BABAM2: variants seen among roughly 807,000 people sequenced by gnomAD.
The protein encoded by BABAM2 is BRISC and BRCA1 A complex member 2.
In BABAM2, 31 loss-of-function variants were observed where a neutral mutation model predicts 54.7. The observed-to-expected ratio is 0.57, with a 90% CI of 0.43 to 0.77. The LOEUF (loss-of-function observed/expected upper bound fraction) is 0.77, where lower values mean the gene tolerates loss of function less well. Ranked by LOEUF, BABAM2 falls within the 30% of genes least tolerant of loss-of-function variation. The pLI, the probability that BABAM2 is intolerant of heterozygous loss-of-function variation, is 0.00. For missense variants in BABAM2, 364 were observed against 455.8 expected (o/e 0.80, Z 1.83); for synonymous variants, 167 against 162.9 (o/e 1.03, Z -0.19).
intron 7 of BABAM2, among the ~76,000 whole-genome samples, chr2:28,199,954 A>C (rs1251863919): frequency 6.6e-6 from 1 of 152,212 alleles, no homozygotes; most frequent in East Asian, 1.9e-4. Flanking sequence ...GGAAACCCCT[A>C]TTCATTTTGA....
At chr2:27,964,739 G>C (rs1208388278) in intron 3 of BABAM2, among the ~76,000 whole-genome samples, 1 of 152,150 alleles carries the variant, frequency 6.6e-6, no homozygotes, top group African/African-American at 2.4e-5. Flanking sequence ...GCTTAGATAG[G>C]TTTTAGGTTT....
At chr2:28,008,246 T>C (rs1310778224) in intron 4 of BABAM2, among the ~76,000 whole-genome samples, 1 of 152,168 alleles carries the variant, frequency 6.6e-6, no homozygotes, top group Non-Finnish European at 1.5e-5. Flanking sequence ...CTGAGAAACT[T>C]CAGCTATTCT....
intron 4 of BABAM2, among the ~76,000 whole-genome samples, chr2:27,997,880 C>T (rs1411392409): frequency 6.6e-6 from 1 of 152,130 alleles, no homozygotes; most frequent in East Asian, 1.9e-4. Context: ...CAGGGCCAGG[C>T]ATGGTGGCTC....
At chr2:28,276,007 C>CAAAAA (rs534951884) in intron 10 of BABAM2, among the ~76,000 whole-genome samples, 1 of 110,970 alleles carries the variant, frequency 9.0e-6, no homozygotes, top group African/African-American at 3.5e-5. Context: ...ATTTTTATCT[C>CAAAAA]AAAAAAAAAA....
At chr2:28,000,223 G>A (rs1673484031) in intron 4 of BABAM2, among the ~76,000 whole-genome samples, 1 of 151,908 alleles carries the variant, frequency 6.6e-6, no homozygotes, top group South Asian at 2.1e-4. Flanking sequence ...ATACCATCTA[G>A]GATTCCACAT....
chr2:28,306,689 T>A (rs567813599), intron 11 of BABAM2, among the ~76,000 whole-genome samples: 44 of 151,984 alleles, frequency 2.9e-4, no homozygotes, highest in Non-Finnish European at 4.9e-4. Context: ...ATTTCTTTTT[T>A]ATTTTTTTAT....
chr2:28,083,067 T>C (rs1461937921), intron 6 of BABAM2, among the ~76,000 whole-genome samples: 1 of 152,212 alleles, frequency 6.6e-6, no homozygotes, highest in East Asian at 1.9e-4. Flanking sequence ...TTCATCCTTC[T>C]TCAGCCTGTT....
At chr2:28,242,133 T>G (rs1289081498) in intron 9 of BABAM2, among the ~76,000 whole-genome samples, 1 of 152,118 alleles carries the variant, frequency 6.6e-6, no homozygotes, top group Non-Finnish European at 1.5e-5. Flanking sequence ...GTCGCGCCCC[T>G]AGAAGAAGTG....
chr2:27,976,316 T>C (rs1350520265), intron 3 of BABAM2, among the ~76,000 whole-genome samples: 1 of 152,086 alleles, frequency 6.6e-6, no homozygotes, highest in Admixed American at 6.6e-5. Flanking sequence ...TGTCTTTCAT[T>C]GGGTAGATGG....
chr2:27,987,673 G>C (rs925992495), intron 3 of BABAM2, among the ~76,000 whole-genome samples: 22 of 151,900 alleles, frequency 1.4e-4, no homozygotes, highest in African/African-American at 5.1e-4. Context: ...AAATTATCTG[G>C]GCATGGTGAC....
chr2:28,113,881 T>C (rs1263087405), intron 6 of BABAM2, among the ~76,000 whole-genome samples: 1 of 152,190 alleles, frequency 6.6e-6, no homozygotes. Context: ...TAAGTTGTAT[T>C]CCTAGGTATT....
intron 4 of BABAM2, among the ~76,000 whole-genome samples, chr2:27,992,915 G>A (rs1352034252): frequency 1.3e-5 from 2 of 152,098 alleles, no homozygotes. Context: ...TGAATGGCTT[G>A]TTCTCTCCTT....
chr2:27,955,122 G>A, intron 3 of BABAM2, among the ~76,000 whole-genome samples: 1 of 152,252 alleles, frequency 6.6e-6, no homozygotes, highest in East Asian at 1.9e-4. Context: ...GGAAGATGAT[G>A]AAATTTGGCT....
chr2:28,047,317 C>A (rs942995149), intron 6 of BABAM2, among the ~76,000 whole-genome samples: 1 of 152,104 alleles, frequency 6.6e-6, no homozygotes, highest in Non-Finnish European at 1.5e-5. Flanking sequence ...TCTAAGAAAC[C>A]CTTATAGCAT....
chr2:28,305,704 T>A (rs1185281194), intron 11 of BABAM2, among the ~76,000 whole-genome samples: 1 of 152,206 alleles, frequency 6.6e-6, no homozygotes, highest in African/African-American at 2.4e-5. Context: ...TTGCTGTATT[T>A]CTTCTTGTGT....
chr2:28,219,788 C>A (rs879929881), intron 7 of BABAM2, among the ~76,000 whole-genome samples: 7 of 152,082 alleles, frequency 4.6e-5, no homozygotes, highest in Admixed American at 2.0e-4. Context: ...CGTAACAGAG[C>A]CTCAAAAATA....
intron 11 of BABAM2, among the ~76,000 whole-genome samples, chr2:28,300,828 C>G (rs1297511570): frequency 2.0e-5 from 3 of 152,192 alleles, no homozygotes; most frequent in Non-Finnish European, 1.5e-5. Context: ...AAGAAAACAT[C>G]TGAAGTAATG....
At chr2:27,906,747 A>G (rs1666212491) in intron 2 of BABAM2, among the ~76,000 whole-genome samples, 1 of 152,188 alleles carries the variant, frequency 6.6e-6, no homozygotes, top group Non-Finnish European at 1.5e-5. Flanking sequence ...TCTAATGTGT[A>G]AAGAAAAGTG....
intron 6 of BABAM2, among the ~76,000 whole-genome samples, chr2:28,109,413 C>A (rs970958308): frequency 6.6e-6 from 1 of 151,992 alleles, no homozygotes; most frequent in African/African-American, 2.4e-5. Context: ...TGGTCTTGAT[C>A]TCTTGACCTC....
Sources: gnomAD v4.1 joint callset for allele counts (sites outside exome capture counted in the v4.1 genomes callset) on GRCh38, gnomAD v4.1.1 for gene constraint, MANE v1.5 for transcripts, NCBI Gene and HGNC (gene_info 2026-07-23, HGNC 2026-07-21) for gene names.